SND1: variants seen among roughly 807,000 people sequenced by gnomAD.
SND1 encodes staphylococcal nuclease domain-containing protein 1.
Under a neutral mutation model 121.7 loss-of-function variants are expected in SND1, and 38 were observed. The observed-to-expected ratio is 0.31, with a 90% CI of 0.24 to 0.41. SND1 has a LOEUF of 0.41. SND1 is among the 10% of genes least tolerant of loss of function. The pLI, the probability that SND1 is intolerant of heterozygous loss-of-function variation, is 1.00. For synonymous variants in SND1, 401 were observed against 447.4 expected (o/e 0.90, Z 1.31); for missense variants, 868 against 1,184.6 (o/e 0.73, Z 3.92).
chr7:127,768,988 T>C (rs1047122650), intron 10 of SND1, among the ~76,000 whole-genome samples: 6 of 152,200 alleles, frequency 3.9e-5, no homozygotes, highest in African/African-American at 9.7e-5. Flanking sequence ...CTTCTTTATC[T>C]CAGAGAATAT....
At chr7:128,010,034 G>T (rs1034627580) in intron 16 of SND1, among the ~76,000 whole-genome samples, 1 of 152,180 alleles carries the variant, frequency 6.6e-6, no homozygotes, top group Non-Finnish European at 1.5e-5. Context: ...AGTCGTCACT[G>T]TTCCCACTGA....
intron 10 of SND1, among the ~76,000 whole-genome samples, chr7:127,731,662 C>T (rs774680100): frequency 1.1e-4 from 17 of 152,172 alleles, no homozygotes; most frequent in Non-Finnish European, 2.2e-4. Flanking sequence ...ACCCTTCTTC[C>T]GGAGGTGCAT....
chr7:128,073,999 TCCTCTCCC>T (rs1793460936), intron 16 of SND1, among the ~76,000 whole-genome samples: 1 of 152,194 alleles, frequency 6.6e-6, no homozygotes, highest in Non-Finnish European at 1.5e-5. Flanking sequence ...GCCTCTCCTG[TCCTCTCCC>T]CCTCTCCTCT....
intron 16 of SND1, among the ~76,000 whole-genome samples, chr7:128,005,068 C>A (rs1298277261): frequency 6.6e-6 from 1 of 152,248 alleles, no homozygotes; most frequent in African/African-American, 2.4e-5. Context: ...GCCCTTGAAG[C>A]TTTTGATTCT....
intron 16 of SND1, among the ~76,000 whole-genome samples, chr7:128,024,778 G>C (rs1803436246): frequency 6.6e-6 from 1 of 152,198 alleles, no homozygotes; most frequent in South Asian, 2.1e-4. Flanking sequence ...TGTAGAAGTG[G>C]CAGCTACAGC....
In SND1 at chr7:127,680,117, G is replaced by A. The variant is rs534496486; in HGVS notation, c.79-6496G>A. Reference sequence around the variant, plus strand: ...TAGGTTCCGTGATGCCCCCTGAGCCGTAAAACCAGCAAGTTTTTATTAGGG... The same window carrying A: ...TAGGTTCCGTGATGCCCCCTGAGCCATAAAACCAGCAAGTTTTTATTAGGG... On this transcript the variant is annotated intron_variant, in intron 1 of 23. Transcript: ENST00000354725. Among the ~76,000 whole-genome samples, 10 of 152,172 alleles carry A rather than the reference G, an allele frequency of 6.6e-5. No homozygotes were observed. The East Asian group carries it at 1.5e-3, about 23-fold the overall frequency.
At chr7:127,713,993 G>T (rs1156912311) in intron 9 of SND1, among the ~76,000 whole-genome samples, 1 of 152,090 alleles carries the variant, frequency 6.6e-6, no homozygotes, top group Non-Finnish European at 1.5e-5. Flanking sequence ...GTAGCCATAT[G>T]GTCCCCTGAG....
At chr7:127,936,114 G>A (rs140511359) in intron 15 of SND1, among the ~76,000 whole-genome samples, 1 of 152,310 alleles carries the variant, frequency 6.6e-6, no homozygotes, top group Non-Finnish European at 1.5e-5. Context: ...ACAGGTCAGT[G>A]CCTCCTGAAC....
intron 21 of SND1, 69 bp from the exon 22 acceptor site, chr7:128,089,418 CTA>C (rs1372716673): frequency 6.9e-7 from 1 of 1,444,610 alleles, no homozygotes; most frequent in Non-Finnish European, 9.5e-7. Flanking sequence ...TCTTGGGAGT[CTA>C]TGGACAGGAG....
At chr7:127,919,955 A>G (rs1322527740) in intron 14 of SND1, among the ~76,000 whole-genome samples, 1 of 152,212 alleles carries the variant, frequency 6.6e-6, no homozygotes, top group Non-Finnish European at 1.5e-5. Context: ...AAACTCTCCT[A>G]TAAACATTTT....
At chr7:127,774,209 G>T (rs1797572996) in intron 10 of SND1, among the ~76,000 whole-genome samples, 1 of 152,126 alleles carries the variant, frequency 6.6e-6, no homozygotes, top group East Asian at 1.9e-4. Context: ...GACAAGATGT[G>T]GAGATTCAAG....
chr7:127,789,774 T>C (rs1195328502), intron 10 of SND1, among the ~76,000 whole-genome samples: 2 of 152,228 alleles, frequency 1.3e-5, no homozygotes, highest in African/African-American at 4.8e-5. Context: ...ATTTTGTTTA[T>C]GTTGTTGATC....
chr7:127,931,986 A>G (rs1204854368), intron 15 of SND1, among the ~76,000 whole-genome samples: 1 of 152,216 alleles, frequency 6.6e-6, no homozygotes, highest in Non-Finnish European at 1.5e-5. Flanking sequence ...GTTGTACAAG[A>G]AGATTGTACA....
intron 12 of SND1, among the ~76,000 whole-genome samples, chr7:127,878,667 G>A (rs977094314): frequency 6.6e-6 from 1 of 152,010 alleles, no homozygotes; most frequent in Non-Finnish European, 1.5e-5. Context: ...ATCCTCTGGT[G>A]GTTTTCTTGG....
chr7:127,874,262 A>G (rs1339810312), intron 12 of SND1, among the ~76,000 whole-genome samples: 4 of 152,146 alleles, frequency 2.6e-5, no homozygotes, highest in Admixed American at 1.3e-4. Flanking sequence ...ATTGCATCCT[A>G]TTAAGAGTAC....
intron 13 of SND1, among the ~76,000 whole-genome samples, chr7:127,903,691 G>T (rs969805164): frequency 6.6e-6 from 1 of 152,154 alleles, no homozygotes; most frequent in Non-Finnish European, 1.5e-5. Flanking sequence ...ACTTTAGAAA[G>T]TGATGACCCT....
intron 12 of SND1, among the ~76,000 whole-genome samples, chr7:127,868,980 G>A (rs534903411): frequency 8.9e-4 from 135 of 152,190 alleles, no homozygotes; most frequent in Non-Finnish European, 1.8e-3. Flanking sequence ...TATTTTGTGC[G>A]GCACTTTCGT....
intron 10 of SND1, among the ~76,000 whole-genome samples, chr7:127,782,136 T>A (rs1797735064): frequency 6.6e-6 from 1 of 152,192 alleles, no homozygotes; most frequent in African/African-American, 2.4e-5. Context: ...GTCCAGTGCC[T>A]TATTTACCTG....
At chr7:128,026,009 T>C (rs1057306127) in intron 16 of SND1, among the ~76,000 whole-genome samples, 4 of 147,666 alleles carry the variant, frequency 2.7e-5, no homozygotes, top group African/African-American at 1.0e-4. Flanking sequence ...TCTGCTCAAA[T>C]AGCTGTCAAA....
Sources: gnomAD v4.1 joint callset for allele counts (sites outside exome capture counted in the v4.1 genomes callset) on GRCh38, gnomAD v4.1.1 for gene constraint, MANE v1.5 for transcripts, NCBI Gene and HGNC (gene_info 2026-07-23, HGNC 2026-07-21) for gene names.